PSD2: variants seen among roughly 807,000 people sequenced by gnomAD.
PSD2 encodes the protein pleckstrin and Sec7 domain containing 2.
In PSD2, 38 loss-of-function variants were observed where a neutral mutation model predicts 69.8. That is an observed-to-expected ratio of 0.54 (90% CI 0.42 to 0.71). PSD2 has a LOEUF of 0.71. Ranked by LOEUF, PSD2 falls within the 30% of genes least tolerant of loss-of-function variation. The pLI is 0.00. For synonymous variants in PSD2, 412 were observed against 423.0 expected, an observed-to-expected ratio of 0.97 and a Z score of 0.32; for missense variants, 943 against 1,014.5, an observed-to-expected ratio of 0.93 and a Z score of 0.96.
chr5:139,828,751 G>A (rs1760495332), intron 7 of PSD2, among the ~76,000 whole-genome samples: 1 of 152,132 alleles, frequency 6.6e-6, no homozygotes, highest in African/African-American at 2.4e-5. Context: ...TGTGGGAAAA[G>A]GCCTGGCTCC....
At chr5:139,841,311 C>T (rs1470982281) in intron 14 of PSD2, among the ~76,000 whole-genome samples, 1 of 152,100 alleles carries the variant, frequency 6.6e-6, no homozygotes, top group African/African-American at 2.4e-5. Context: ...TAAATAACTC[C>T]CATGAACTTA....
intron 6 of PSD2, 31 bp downstream of exon 6, chr5:139,822,036 T>C: frequency 1.4e-6 from 2 of 1,432,452 alleles, no homozygotes; most frequent in Non-Finnish European, 1.9e-6. Context: ...TGCCTGACCC[T>C]CCCCACCCAC....
the PSD2 span, among the ~76,000 whole-genome samples, chr5:139,781,582 G>A: frequency 1.3e-5 from 2 of 151,604 alleles, no homozygotes; most frequent in African/African-American, 4.9e-5. Flanking sequence ...TGATCCACCT[G>A]TCTTGGCTTC....
chr5:139,836,759 T>C, intron 9 of PSD2, 52 bp from the exon 10 acceptor site: 2 of 1,539,718 alleles, frequency 1.3e-6, no homozygotes, highest in South Asian at 1.2e-5. Context: ...GCCATGACGA[T>C]GCGGGGCCGA....
At chr5:139,749,134 C>T in the PSD2 span, among the ~76,000 whole-genome samples, 1 of 152,178 alleles carries the variant, frequency 6.6e-6, no homozygotes, top group Non-Finnish European at 1.5e-5. Flanking sequence ...TCAGGCCCAC[C>T]TGACCTGTAG....
chr5:139,779,109 A>C, the PSD2 span, among the ~76,000 whole-genome samples: 1 of 151,976 alleles, frequency 6.6e-6, no homozygotes, highest in African/African-American at 2.4e-5. Flanking sequence ...CTTAGCCATC[A>C]GTTGTTTTTT....
At chr5:139,811,913 C>A (rs1314492827) in intron 2 of PSD2, among the ~76,000 whole-genome samples, 2 of 152,078 alleles carry the variant, frequency 1.3e-5, no homozygotes, top group African/African-American at 4.8e-5. Flanking sequence ...CTCTTTCTTT[C>A]TCTCACTTTC....
Position 139,837,808 on chromosome 5 carries a change from T to C in PSD2, c.1823+26T>C. 6.3e-7 allele frequency: 1 copy of C among 1,591,574 alleles called. No individual in the cohort carries two copies. Among genetic ancestry groups the C allele is most frequent in the Non-Finnish European group, 8.6e-7 (1 of 1,164,466 alleles). On this transcript the variant is annotated intron_variant, in intron 12 of 14. Coordinates refer to ENST00000274710, the MANE Select transcript of PSD2 (RefSeq NM_032289.4). The surrounding 1 kb of genome is among the most constrained non-coding windows in gnomAD (Gnocchi z 5.0). ...GTGAGTAGGAGCTGGAGCCCTTCACTCCCACCTGGGGCCCAGGGCCACAGT... is the reference window on the plus strand; with the variant it reads ...GTGAGTAGGAGCTGGAGCCCTTCACCCCCACCTGGGGCCCAGGGCCACAGT...
In PSD2 at chr5:139,839,292, C is replaced by T. The variant is rs1214650214; in HGVS notation, c.1968+520C>T. Among the ~76,000 whole-genome samples the T allele has an allele frequency of 6.6e-6, 1 of 152,280 alleles. No homozygotes were observed. Among genetic ancestry groups the T allele is most frequent in the Non-Finnish European group, 1.5e-5 (1 of 68,050 alleles). On this transcript the variant is annotated intron_variant, in intron 13 of 14. Transcript: ENST00000274710. The surrounding 1 kb of genome is among the most constrained non-coding windows in gnomAD (Gnocchi z 5.1). ...GGGCAGCGGAAGCCCCACACTTCCT[C>T]TTTGCCAGCGGCCTTTCCCACTAGG...
chr5:139,823,347 G>A (rs1032967954), intron 7 of PSD2, among the ~76,000 whole-genome samples: 1 of 152,090 alleles, frequency 6.6e-6, no homozygotes, highest in Admixed American at 6.5e-5. Flanking sequence ...CATGCCCTGT[G>A]TGCCGAGGCC....
the PSD2 span, among the ~76,000 whole-genome samples, chr5:139,781,338 C>T: frequency 1.4e-5 from 2 of 145,958 alleles, no homozygotes; most frequent in Admixed American, 6.9e-5. Flanking sequence ...ATATCTCTCT[C>T]TTTTTTTTTT....
At chr5:139,830,624 T>C (rs34695302) in intron 7 of PSD2, among the ~76,000 whole-genome samples, 713 of 54,626 alleles carry the variant, frequency 0.013, 5 homozygotes, top group Admixed American at 0.03. Context: ...CTTTCTTTCT[T>C]TCTCTTTCTT....
At chr5:139,824,177 G>C (rs1375234587) in intron 7 of PSD2, among the ~76,000 whole-genome samples, 3 of 152,110 alleles carry the variant, frequency 2.0e-5, no homozygotes, top group African/African-American at 7.2e-5. Flanking sequence ...CCCCTGGCTG[G>C]GCCTCCCTAT....
chr5:139,809,937 C>T (rs1759918637), intron 2 of PSD2, 126 bp downstream of exon 2: 2 of 1,026,008 alleles, frequency 1.9e-6, no homozygotes, highest in African/African-American at 3.2e-5. Flanking sequence ...ATTTCATATC[C>T]CTCTTTTGCC....
chr5:139,835,814 TG>T (rs1185824806), intron 9 of PSD2, 48 bp downstream of exon 9: 1 of 1,559,110 alleles, frequency 6.4e-7, no homozygotes, highest in Admixed American at 1.7e-5. Flanking sequence ...CATCCCTGGG[TG>T]GGGGAGTGTG....
chr5:139,838,476 G>A, intron 12 of PSD2, 152 bp from the exon 13 acceptor site: 1 of 793,048 alleles, frequency 1.3e-6, no homozygotes, highest in Non-Finnish European at 2.0e-6. Flanking sequence ...GGCCCATCCA[G>A]CCCCCATGTG....
chr5:139,833,673 T>C, intron 7 of PSD2, 29 bp from the exon 8 acceptor site: 1 of 1,570,264 alleles, frequency 6.4e-7, no homozygotes, highest in South Asian at 1.1e-5. Flanking sequence ...CCTTCCCTAC[T>C]CTTAGGCAGA....
At chr5:139,785,269 G>T in the PSD2 span, among the ~76,000 whole-genome samples, 1 of 149,346 alleles carries the variant, frequency 6.7e-6, no homozygotes. Flanking sequence ...TGTTGCCCAG[G>T]CTGGAGTGCA....
At chr5:139,838,828 C>T in intron 13 of PSD2, 56 bp downstream of exon 13, 2 of 1,568,552 alleles carry the variant, frequency 1.3e-6, no homozygotes, top group Non-Finnish European at 1.7e-6. Flanking sequence ...TCAGCCCAGG[C>T]CCCCATCCAG....
Sources: allele counts gnomAD v4.1 joint callset (sites outside exome capture counted in the v4.1 genomes callset), GRCh38; gene constraint gnomAD v4.1.1; non-coding constraint Gnocchi (gnomAD v3.1); transcripts MANE v1.5; gene names NCBI Gene and HGNC (gene_info 2026-07-23, HGNC 2026-07-21).